HERC6: variants seen among roughly 807,000 people sequenced by gnomAD.
HERC6 encodes HECT and RLD domain containing E3 ubiquitin protein ligase family member 6.
In HERC6, 101 loss-of-function variants were observed where a neutral mutation model predicts 114.5. That is an observed-to-expected ratio of 0.88 (90% confidence interval 0.75 to 1.04). The LOEUF is 1.04. Among genes scored for constraint, HERC6 ranks in the 50% least tolerant of loss-of-function variants. The pLI, the probability that HERC6 is intolerant of heterozygous loss-of-function variation, is 0.00. For missense variants in HERC6, 1,133 were observed against 1,230.9 expected, an observed-to-expected ratio of 0.92 and a Z score of 1.19; for synonymous variants, 408 against 436.2, an observed-to-expected ratio of 0.94 and a Z score of 0.81.
At chr4:88,386,756 T>C (rs1734607301) in intron 3 of HERC6, among the ~76,000 whole-genome samples, 1 of 152,192 alleles carries the variant, frequency 6.6e-6, no homozygotes, top group Non-Finnish European at 1.5e-5. Context: ...GTGATAAAAG[T>C]TACTCTTCTC....
At chr4:88,393,205 G>A (rs1178351828) in intron 4 of HERC6, among the ~76,000 whole-genome samples, 1 of 151,758 alleles carries the variant, frequency 6.6e-6, no homozygotes, top group African/African-American at 2.4e-5. Flanking sequence ...CTCTCCCAAG[G>A]TAGGGTTTTT....
intron 4 of HERC6, among the ~76,000 whole-genome samples, chr4:88,391,951 C>G (rs1043866777): frequency 8.3e-6 from 1 of 121,108 alleles, no homozygotes; most frequent in African/African-American, 3.2e-5. Flanking sequence ...CCTTTTCCTC[C>G]CCTCCCCACT....
chr4:88,390,177 C>CAAAAAAAAA (rs1156777502), intron 3 of HERC6, among the ~76,000 whole-genome samples: 1 of 48,662 alleles, frequency 2.1e-5, no homozygotes, highest in Non-Finnish European at 3.7e-5. Context: ...AACTCTGTAT[C>CAAAAAAAAA]AAAAAAAAAA....
At chr4:88,419,875 G>A (rs1328939653) in intron 13 of HERC6, among the ~76,000 whole-genome samples, 1 of 152,056 alleles carries the variant, frequency 6.6e-6, no homozygotes, top group Non-Finnish European at 1.5e-5. Flanking sequence ...TGTTGTGATA[G>A]AGAAAGCACA....
chr4:88,398,161 C>A lies in HERC6; in HGVS notation c.1044C>A (p.Val348=). ...TTTTAGACTTCGTGGATGTTCAAGT[C>A]AAACACATTTTTGCTGGAACATATG... ...ISAEDFVDVQ[V]KHIFAGTYAN... is the part of the protein sequence containing the mutation. Residue 348 remains valine, a synonymous_variant, in exon 8 of 23, where the codon GTC becomes GTA. Transcript: ENST00000264346. The A allele has an allele frequency of 6.3e-7, 1 of 1,597,108 alleles. No homozygotes were observed. The highest frequency in any genetic ancestry group is 1.7e-4 in the Middle Eastern group (1 of 6,026).
chr4:88,395,943 G>T, intron 5 of HERC6, 72 bp from the exon 6 acceptor site: 1 of 1,389,804 alleles, frequency 7.2e-7, no homozygotes, highest in South Asian at 1.5e-5. Context: ...ACTCTTGTAT[G>T]ACACTTAATC....
rs377176779 is a variant in HERC6 at position 88,383,651 on chromosome 4, T to A, written c.359+271T>A. 1.4e-4 allele frequency among the ~76,000 whole-genome samples: 21 copies of A among 149,250 alleles called. No individual in the cohort carries two copies. The East Asian group carries it at 1.6e-3, about 12-fold the overall frequency. On this transcript the variant is annotated intron_variant, in intron 2 of 22. Coordinates refer to ENST00000264346, the MANE Select transcript of HERC6 (RefSeq NM_017912.4). ...GGTGTCAGGCACCCGCAATCCCAAC[T>A]ACTCAGGAGGCTGAAGCGGGAGAAT...
intron 12 of HERC6, among the ~76,000 whole-genome samples, chr4:88,414,136 G>T (rs867600566): frequency 6.6e-6 from 1 of 152,040 alleles, no homozygotes; most frequent in African/African-American, 2.4e-5. Context: ...GCATACCAGG[G>T]TGCCATATTT....
Position 88,378,858 on chromosome 4 carries a change from G to C in HERC6, c.-64G>C, listed in dbSNP as rs1733989628. ...AATCATCGCGCACCCAGTCACCAGC[G>C]TTCGGGAGCCTGTCGCAGCGGGACC... is the stretch of plus-strand genomic sequence containing the variant. On this transcript the variant is annotated 5_prime_UTR_variant, in exon 1 of 23. Transcript: ENST00000264346. 2.1e-6 allele frequency: 3 copies of C among 1,445,390 alleles called. No individual in the cohort carries two copies. Among genetic ancestry groups the C allele is most frequent in the Admixed American group, 2.3e-5 (1 of 43,108 alleles). 89.5% of individuals were successfully genotyped at this position (1,445,390 alleles called of 1,614,324 possible).
chr4:88,413,899 T>C (rs1383967681), intron 12 of HERC6, among the ~76,000 whole-genome samples: 2 of 152,122 alleles, frequency 1.3e-5, no homozygotes, highest in Admixed American at 6.5e-5. Context: ...CTCCTTGGAA[T>C]TGGAATGAGC....
chr4:88,387,653 T>A (rs2110235150), intron 3 of HERC6, among the ~76,000 whole-genome samples: 1 of 152,334 alleles, frequency 6.6e-6, no homozygotes, highest in East Asian at 1.9e-4. Flanking sequence ...AGCTGTTTGA[T>A]CATGGGCAAG....
At chr4:88,428,879 T>G (rs1199882035) in intron 16 of HERC6, 129 bp downstream of exon 16, 2 of 705,528 alleles carry the variant, frequency 2.8e-6, no homozygotes, top group Non-Finnish European at 4.3e-6. Flanking sequence ...TTTCCAGAAT[T>G]CCCCTCTTAC....
At chr4:88,381,800 C>G (rs1734339216) in intron 1 of HERC6, among the ~76,000 whole-genome samples, 1 of 152,064 alleles carries the variant, frequency 6.6e-6, no homozygotes, top group Admixed American at 6.6e-5. Context: ...TCGTGATCCA[C>G]CCGCCTCGGC....
intron 5 of HERC6, among the ~76,000 whole-genome samples, chr4:88,395,176 C>T (rs1735164659): frequency 6.6e-6 from 1 of 151,154 alleles, no homozygotes; most frequent in African/African-American, 2.4e-5. Flanking sequence ...ATTAGAAAAC[C>T]CTCAATTGTT....
chr4:88,414,976 A>G (rs745907843), intron 12 of HERC6, among the ~76,000 whole-genome samples: 3 of 152,124 alleles, frequency 2.0e-5, no homozygotes, highest in Non-Finnish European at 4.4e-5. Flanking sequence ...GCAGTAAGCT[A>G]TCAGCATACC....
chr4:88,424,727 T>C, intron 15 of HERC6, 25 bp downstream of exon 15: 1 of 1,409,320 alleles, frequency 7.1e-7, no homozygotes. Context: ...TTTTTTAGTA[T>C]GAAAAATTTC....
At chr4:88,405,129 C>T (rs1735758689) in intron 9 of HERC6, 132 bp downstream of exon 9, 29 of 1,063,286 alleles carry the variant, frequency 2.7e-5, no homozygotes, top group Non-Finnish European at 3.8e-5. Flanking sequence ...TCTACAGCCT[C>T]TTAGTGTGAC....
chr4:88,431,337 A>T lies in HERC6; in HGVS notation c.2250+32A>T, dbSNP rs1251568310. ...CTTTTCTTTTTTTTTTTTCCCCCAG[A>T]ACAGAAAAGGCACCCCATATACTGC... On this transcript the variant is annotated intron_variant, in intron 17 of 22. Coordinates refer to ENST00000264346, the MANE Select transcript of HERC6 (RefSeq NM_017912.4). The T allele has an allele frequency of 5.7e-6, 9 of 1,573,476 alleles. No homozygotes were observed. In the South Asian group the frequency reaches 9.6e-5, roughly 17 times the overall value.
At chr4:88,433,470 A>C (rs528634729) in intron 17 of HERC6, among the ~76,000 whole-genome samples, 1 of 152,196 alleles carries the variant, frequency 6.6e-6, no homozygotes, top group Non-Finnish European at 1.5e-5. Flanking sequence ...GCCCTCATGA[A>C]TAGATTAATC....
Sources: gnomAD v4.1 joint callset for allele counts (sites outside exome capture counted in the v4.1 genomes callset) on GRCh38, gnomAD v4.1.1 for gene constraint, MANE v1.5 for transcripts, NCBI Gene and HGNC (gene_info 2026-07-23, HGNC 2026-07-21) for gene names.